Variants in ZFPM2 observed in about 807,000 individuals in gnomAD.
The protein encoded by ZFPM2 is zinc finger protein, FOG family member 2, also known as zinc finger protein ZFPM2.
In ZFPM2, 20 loss-of-function variants were observed where a neutral mutation model predicts 98.6. The ratio of observed to expected loss-of-function variants is 0.20; its 90% CI spans 0.14 to 0.29. ZFPM2 has a LOEUF of 0.29. Among genes scored for constraint, ZFPM2 ranks in the 10% least tolerant of loss-of-function variants. ZFPM2 has a pLI of 1.00. For missense variants in ZFPM2, 1,310 were observed against 1,388.6 expected (o/e 0.94, Z 0.90); for synonymous variants, 518 against 502.7 (o/e 1.03, Z -0.41).
intron 3 of ZFPM2, among the ~76,000 whole-genome samples, chr8:105,524,424 T>C (rs898607387): frequency 3.9e-5 from 6 of 152,108 alleles, no homozygotes; most frequent in African/African-American, 1.4e-4. Context: ...TAATTTGTCA[T>C]GGCCCTGGCA....
intron 3 of ZFPM2, among the ~76,000 whole-genome samples, chr8:105,479,116 G>A (rs981182893): frequency 6.6e-6 from 1 of 152,116 alleles, no homozygotes; most frequent in Non-Finnish European, 1.5e-5. Flanking sequence ...GATCTTAGCT[G>A]ACGATGGTAA....
intron 2 of ZFPM2, among the ~76,000 whole-genome samples, chr8:105,437,968 A>T (rs1185535388): frequency 6.6e-6 from 1 of 152,124 alleles, no homozygotes; most frequent in Non-Finnish European, 1.5e-5. Context: ...GCTTGAACCC[A>T]GGAAGTGGAG....
chr8:105,800,989 G>A (rs377639832), intron 7 of ZFPM2, 58 bp from the exon 8 acceptor site: 1 of 1,500,822 alleles, frequency 6.7e-7, no homozygotes, highest in Non-Finnish European at 9.1e-7. Flanking sequence ...AAAGGTCCCT[G>A]TCATTCAAAA....
intron 5 of ZFPM2, chr8:105,690,899 TAG>T (rs2130937196): frequency 6.6e-6 from 1 of 152,310 alleles, no homozygotes; most frequent in South Asian, 2.1e-4. Flanking sequence ...GGAAACTATC[TAG>T]AGAGTTAAGC....
chr8:105,502,692 A>T (rs1261558586), intron 3 of ZFPM2, among the ~76,000 whole-genome samples: 1 of 152,222 alleles, frequency 6.6e-6, no homozygotes, highest in Non-Finnish European at 1.5e-5. Context: ...TGATAGAGTG[A>T]CAGGCCATGT....
chr8:105,649,535 A>C (rs534448495), intron 5 of ZFPM2, among the ~76,000 whole-genome samples: 1 of 152,282 alleles, frequency 6.6e-6, no homozygotes, highest in South Asian at 2.1e-4. Context: ...AATAGCTCTT[A>C]TTATTTTGAG....
intron 3 of ZFPM2, among the ~76,000 whole-genome samples, chr8:105,524,948 T>C (rs1159991050): frequency 6.6e-6 from 1 of 152,106 alleles, no homozygotes; most frequent in Non-Finnish European, 1.5e-5. Context: ...GTTCTTTTCG[T>C]CTCGCTGATG....
At chr8:105,741,672 A>G (rs1391872634) in intron 5 of ZFPM2, among the ~76,000 whole-genome samples, 1 of 152,054 alleles carries the variant, frequency 6.6e-6, no homozygotes, top group Non-Finnish European at 1.5e-5. Context: ...TTGAGAGAGA[A>G]TGGATGGGGA....
chr8:105,684,937 A>T (rs1810697294), intron 5 of ZFPM2: 1 of 152,106 alleles, frequency 6.6e-6, no homozygotes. Context: ...CTAAAACAAC[A>T]CAAGAATTCT....
chr8:105,519,972 C>T (rs1279432134), intron 3 of ZFPM2, among the ~76,000 whole-genome samples: 1 of 152,034 alleles, frequency 6.6e-6, no homozygotes, highest in Non-Finnish European at 1.5e-5. Flanking sequence ...TAAAATTCTC[C>T]AGTTTCTAAT....
At position 105,318,856 on chromosome 8, in the gene ZFPM2, C is replaced by CGGT; in HGVS notation, c.-84_-83insTGG. On this transcript the variant is annotated 5_prime_UTR_variant, in exon 1 of 8. Coordinates refer to ENST00000407775, the MANE Select transcript of ZFPM2 (RefSeq NM_012082.4). Reference sequence around the variant, plus strand: ...GGCCGAGCCTGGCCAGCGGCGGCGGCGGCGGCGGCGGCGGCGGGAGCCGAG... The same window carrying CGGT: ...GGCCGAGCCTGGCCAGCGGCGGCGGCGGTGGCGGCGGCGGCGGCGGGAGCCGAG... The CGGT allele has an allele frequency of 1.2e-6, 1 of 823,626 alleles. No homozygotes were observed. The highest frequency in any genetic ancestry group is 1.4e-6 in the Non-Finnish European group (1 of 714,280). 51.0% of individuals were successfully genotyped at this position (823,626 alleles called of 1,614,324 possible).
At chr8:105,781,719 TTAAAA>T (rs1043644206) in intron 5 of ZFPM2, among the ~76,000 whole-genome samples, 6 of 152,100 alleles carry the variant, frequency 3.9e-5, no homozygotes, top group African/African-American at 7.2e-5. Context: ...AGACCCTATC[TTAAAA>T]TAAAATAATA....
At chr8:105,553,763 G>T (rs1814918712) in intron 3 of ZFPM2, among the ~76,000 whole-genome samples, 1 of 152,120 alleles carries the variant, frequency 6.6e-6, no homozygotes, top group South Asian at 2.1e-4. Flanking sequence ...GATCCCATCT[G>T]TTAGAGTTAC....
chr8:105,732,755 G>A (rs1040987965), intron 5 of ZFPM2, among the ~76,000 whole-genome samples: 2 of 151,720 alleles, frequency 1.3e-5, no homozygotes, highest in Non-Finnish European at 2.9e-5. Context: ...AGCAATGGGC[G>A]GTAAAGACAT....
At chr8:105,673,565 C>T (rs1432524531) in intron 5 of ZFPM2, among the ~76,000 whole-genome samples, 1 of 152,034 alleles carries the variant, frequency 6.6e-6, no homozygotes, top group Non-Finnish European at 1.5e-5. Context: ...ATTACATTTC[C>T]TTCCTTTGGT....
intron 1 of ZFPM2, among the ~76,000 whole-genome samples, chr8:105,396,116 T>C (rs1412897011): frequency 6.6e-6 from 1 of 152,240 alleles, no homozygotes; most frequent in Non-Finnish European, 1.5e-5. Context: ...TCTCTGGTCA[T>C]GCTCACCCAT....
intron 1 of ZFPM2, chr8:105,387,875 C>T (rs1256653058): frequency 6.6e-6 from 1 of 152,224 alleles, no homozygotes; most frequent in Non-Finnish European, 1.5e-5. Flanking sequence ...ACTGTGTTTA[C>T]AGAGCATCAG....
rs1419821645 is a variant in ZFPM2, at chr8:105,369,576, G to A, written c.41-49568G>A. On this transcript the variant is annotated intron_variant, in intron 1 of 7. Coordinates refer to ENST00000407775, the MANE Select transcript of ZFPM2 (RefSeq NM_012082.4). ...GGCCTGGCCACATAATCCATTAGAC[G>A]TAGGATTCAGTTATATTAGTAGCAG... 3.9e-5 allele frequency among the ~76,000 whole-genome samples: 6 copies of A among 152,158 alleles called. No individual in the cohort carries two copies. In the East Asian group the frequency reaches 7.7e-4, roughly 20 times the overall value.
At chr8:105,346,598 G>C (rs920766677) in intron 1 of ZFPM2, among the ~76,000 whole-genome samples, 2 of 152,132 alleles carry the variant, frequency 1.3e-5, no homozygotes, top group African/African-American at 4.8e-5. Flanking sequence ...AACTTTCATT[G>C]AGAGCCTTCC....
Sources: gnomAD v4.1 joint callset for allele counts (sites outside exome capture counted in the v4.1 genomes callset) on GRCh38, gnomAD v4.1.1 for gene constraint, MANE v1.5 for transcripts, NCBI Gene and HGNC (gene_info 2026-07-23, HGNC 2026-07-21) for gene names.